The following DCLRE1B variants were observed in gnomAD, a reference collection of about 807,000 sequenced individuals.
DCLRE1B encodes the protein DNA cross-link repair 1B.
Under a neutral mutation model 19.8 loss-of-function variants are expected in DCLRE1B, and 6 were observed. That is an observed-to-expected ratio of 0.30 (90% CI 0.17 to 0.60). The LOEUF is 0.60. DCLRE1B is among the 20% of genes least tolerant of loss of function. DCLRE1B has a pLI of 0.87. For missense variants in DCLRE1B, 622 were observed against 654.2 expected (o/e 0.95, Z 0.54); for synonymous variants, 258 against 255.7 (o/e 1.01, Z -0.09).
chr1:113,907,900 T>G, intron 2 of DCLRE1B, 109 bp from the exon 3 acceptor site: 1 of 1,271,646 alleles, frequency 7.9e-7, no homozygotes, highest in Non-Finnish European at 1.1e-6. Flanking sequence ...TACATAATAG[T>G]TTTTTCACAG....
chr1:113,906,851 T>C, intron 1 of DCLRE1B, 145 bp from the exon 2 acceptor site: 1 of 823,112 alleles, frequency 1.2e-6, no homozygotes, highest in Non-Finnish European at 1.9e-6. Context: ...GAAGGGCAGA[T>C]TGCTTGGGAA....
chr1:113,906,046 CTTTTTTTTTT>C lies in DCLRE1B; in HGVS notation c.189+290_189+299del, dbSNP rs1159693224. Among the ~76,000 whole-genome samples the C allele has an allele frequency of 9.7e-4, 66 of 68,114 alleles. 1 individual carries two copies. Among genetic ancestry groups the C allele is most frequent in the Admixed American group, 2.3e-3 (11 of 4,802 alleles). 44.7% of individuals were successfully genotyped at this position (68,114 alleles called of 152,430 possible). ...CTAGGCCGATGTTTCCCAAACTTGC[CTTTTTTTTTT>C]TTTTTTTTTTTTTTTTTTGAGACGG... On this transcript the variant is annotated intron_variant, in intron 1 of 3. Transcript: ENST00000650450.
rs1669245812 is a variant in DCLRE1B, at chr1:113,911,351, T to C, written c.759T>C (p.Ala253=). 1 of 1,614,066 alleles carries C rather than the reference T, an allele frequency of 6.2e-7. No individual in the cohort carries two copies. Among genetic ancestry groups the C allele is most frequent in the Non-Finnish European group, 8.5e-7 (1 of 1,180,044 alleles). The change falls in exon 4 of 4, where the codon GCT becomes GCC. Residue 253 remains alanine, a synonymous_variant. Transcript: ENST00000650450. The part of the protein sequence containing the change: ...LRWNQTHPTI[A]ILPTSRKIHS... ...GGAACCAGACCCACCCTACGATTGC[T>C]ATCCTTCCCACAAGCCGAAAAATCC...
At chr1:113,909,367 T>C (rs1204969331) in intron 3 of DCLRE1B, among the ~76,000 whole-genome samples, 3 of 152,224 alleles carry the variant, frequency 2.0e-5, no homozygotes, top group Non-Finnish European at 4.4e-5. Flanking sequence ...ACATTTTTGT[T>C]TTATAAAATA....
Position 113,913,018 on chromosome 1 carries a change from G to A in DCLRE1B, c.*827G>A, listed in dbSNP as rs963540702. On this transcript the variant is annotated 3_prime_UTR_variant, in exon 4 of 4. Transcript: ENST00000650450. ...TTACAAAATATCAAATGTGTTGTCA[G>A]ATATTCCTCCAATTGTTCACATAGC... is the stretch of plus-strand genomic sequence containing the variant. 2.6e-5 allele frequency: 4 copies of A among 152,768 alleles called. No homozygotes were observed. The highest frequency in any genetic ancestry group is 9.7e-5 in the African/African-American group (4 of 41,448). 9.5% of individuals were successfully genotyped at this position (152,768 alleles called of 1,614,324 possible). A position where few individuals can be genotyped will look rare whatever the true frequency, so the allele number is the denominator to read the frequency against.
rs1023305476 is a variant in DCLRE1B at position 113,912,224 on chromosome 1, C to T, written c.*33C>T. ...AGAGTACAGAATGACAACATTGAGC[C>T]CACACTGCAGTTTTGAAGATAGTAA... is the stretch of plus-strand genomic sequence containing the variant. On this transcript the variant is annotated 3_prime_UTR_variant, in exon 4 of 4. Coordinates refer to ENST00000650450, the MANE Select transcript of DCLRE1B (RefSeq NM_022836.4). 3.9e-6 allele frequency: 6 copies of T among 1,555,100 alleles called. No homozygotes were observed. Among genetic ancestry groups the T allele is most frequent in the African/African-American group, 1.4e-5 (1 of 73,322 alleles).
upstream of DCLRE1B, chr1:113,905,116 G>T: frequency 5.6e-6 from 2 of 356,208 alleles, no homozygotes; most frequent in South Asian, 4.8e-5. Context: ...TGCTTTCTGC[G>T]GAAGTCCCGC....
At position 113,911,376 on chromosome 1, in the gene DCLRE1B, C is replaced by A. The variant is rs1177241647; in HGVS notation, c.784C>A (p.His262Asn). Residue 262 changes from histidine to asparagine, a missense_variant, in exon 4 of 4, where the codon CAC becomes AAC. Coordinates refer to ENST00000650450, the MANE Select transcript of DCLRE1B (RefSeq NM_022836.4). Reference sequence around the variant, plus strand: ...TATCCTTCCCACAAGCCGAAAAATCCACAGCTCCCACCCTGATATCCACGT... The same window carrying A: ...TATCCTTCCCACAAGCCGAAAAATCAACAGCTCCCACCCTGATATCCACGT... ...IAILPTSRKI[H>N]SSHPDIHVIP... 1 of 1,614,120 alleles carries A rather than the reference C, an allele frequency of 6.2e-7. No homozygotes were observed. The highest frequency in any genetic ancestry group is 8.5e-7 in the Non-Finnish European group (1 of 1,180,036).
intron 3 of DCLRE1B, among the ~76,000 whole-genome samples, chr1:113,910,022 C>T (rs773663171): frequency 2.0e-5 from 3 of 152,218 alleles, no homozygotes; most frequent in Admixed American, 1.3e-4. Context: ...TATTAAACAA[C>T]ATCTCCCATA....
chr1:113,909,490 T>C (rs1388650527), intron 3 of DCLRE1B, among the ~76,000 whole-genome samples: 2 of 152,252 alleles, frequency 1.3e-5, no homozygotes, highest in Non-Finnish European at 1.5e-5. Context: ...AGGACATGTC[T>C]CAACTCTGAA....
rs563989025 is a variant in DCLRE1B, at chr1:113,913,590, C to T, written c.*1399C>T. 1 of 152,754 alleles carries T rather than the reference C, an allele frequency of 6.5e-6. No individual in the cohort carries two copies. Among genetic ancestry groups the T allele is most frequent in the South Asian group, 2.1e-4 (1 of 4,828 alleles). 9.5% of individuals were successfully genotyped at this position (152,754 alleles called of 1,614,324 possible). ...ACTTAAATTGTGGAGCCTAGTTCCT[C>T]ATCTGTAAGATGGACTTGAGATTCC... On this transcript the variant is annotated 3_prime_UTR_variant, in exon 4 of 4. Transcript: ENST00000650450.
intron 3 of DCLRE1B, among the ~76,000 whole-genome samples, chr1:113,908,802 TGC>T (rs199527802): frequency 4.2e-4 from 61 of 145,592 alleles, no homozygotes; most frequent in East Asian, 1.7e-3. Flanking sequence ...CACATACGCG[TGC>T]ACACACACAC....
At chr1:113,904,742 C>A (rs1475764917), upstream of DCLRE1B, 3 of 1,591,570 alleles carry the variant, frequency 1.9e-6, no homozygotes, top group Non-Finnish European at 1.7e-6. Flanking sequence ...CAGGGCAGCT[C>A]CCACAGCTCC....
At chr1:113,909,237 G>C (rs1669160745) in intron 3 of DCLRE1B, among the ~76,000 whole-genome samples, 1 of 152,248 alleles carries the variant, frequency 6.6e-6, no homozygotes, top group African/African-American at 2.4e-5. Flanking sequence ...AGTGAGCGTT[G>C]TGCTTTAAAT....
At chr1:113,906,215 C>G (rs1361046881) in intron 1 of DCLRE1B, among the ~76,000 whole-genome samples, 1 of 151,802 alleles carries the variant, frequency 6.6e-6, no homozygotes, top group African/African-American at 2.4e-5. Context: ...CGCCACCACG[C>G]CCAGCTAATT....
At chr1:113,907,492 G>T (rs752867387) in intron 2 of DCLRE1B, among the ~76,000 whole-genome samples, 1 of 151,660 alleles carries the variant, frequency 6.6e-6, no homozygotes, top group South Asian at 2.1e-4. Context: ...TTTTTGAGAC[G>T]GAGTTTCACT....
At chr1:113,907,901 T>C in intron 2 of DCLRE1B, 108 bp from the exon 3 acceptor site, 1 of 1,282,192 alleles carries the variant, frequency 7.8e-7, no homozygotes. Context: ...ACATAATAGT[T>C]TTTTCACAGA....
At chr1:113,905,282 A>C, upstream of DCLRE1B, 3 of 386,908 alleles carry the variant, frequency 7.8e-6, no homozygotes, top group Non-Finnish European at 9.5e-6. Flanking sequence ...GCGGCGGGCA[A>C]TCGGAAATCG....
At chr1:113,906,938 C>A (rs1669036084) in intron 1 of DCLRE1B, 58 bp from the exon 2 acceptor site, 1 of 1,593,480 alleles carries the variant, frequency 6.3e-7, no homozygotes, top group African/African-American at 1.3e-5. Flanking sequence ...TAGTCCCTGA[C>A]CCGGGGAGGT....
Sources: allele counts gnomAD v4.1 joint callset (sites outside exome capture counted in the v4.1 genomes callset), GRCh38; gene constraint gnomAD v4.1.1; transcripts MANE v1.5; gene names NCBI Gene and HGNC (gene_info 2026-07-23, HGNC 2026-07-21).